Variants in PLPPR3 observed in about 807,000 individuals in gnomAD.
PLPPR3 encodes the protein phospholipid phosphatase-related protein type 3.
Under a neutral mutation model 27.3 loss-of-function variants are expected in PLPPR3, and 14 were observed. The ratio of observed to expected loss-of-function variants is 0.51; its 90% CI spans 0.34 to 0.80. The LOEUF (loss-of-function observed/expected upper bound fraction) is 0.80, where lower values mean the gene tolerates loss of function less well. Among genes scored for constraint, PLPPR3 ranks in the 30% least tolerant of loss-of-function variants. The pLI, the probability that PLPPR3 is intolerant of heterozygous loss-of-function variation, is 0.01. For synonymous variants in PLPPR3, 671 were observed against 508.0 expected (o/e 1.32, Z -4.32); for missense variants, 1,287 against 1,056.9 (o/e 1.22, Z -3.02).
chr19:818,526 C>G (rs949624971), intron 2 of PLPPR3, among the ~76,000 whole-genome samples: 2 of 151,936 alleles, frequency 1.3e-5, no homozygotes, highest in Non-Finnish European at 2.9e-5. Context: ...CACAGTAAGA[C>G]CCTGTCTCTA....
intron 2 of PLPPR3, among the ~76,000 whole-genome samples, chr19:818,726 G>C (rs985372541): frequency 1.3e-5 from 2 of 151,896 alleles, no homozygotes; most frequent in African/African-American, 4.8e-5. Context: ...GTAGAGACGG[G>C]GTTTCACCGT....
In PLPPR3 at chr19:813,924, G is replaced by C; in HGVS notation, c.832-29C>G. Reference sequence around the variant, plus strand: ...TCGGGGAGAGGGGTCTGGGGGTGAGGCCTGGGGCTCAGAGGGCTCCTCCCC... The same window carrying C: ...TCGGGGAGAGGGGTCTGGGGGTGAGCCCTGGGGCTCAGAGGGCTCCTCCCC... On this transcript the variant is annotated intron_variant, in intron 7 of 7. Transcript: ENST00000520876. This position sits in a 1 kb window ranked among gnomAD's most constrained non-coding sequence, Gnocchi z 4.1. 7.1e-7 allele frequency: 1 copy of C among 1,417,382 alleles called. No individual in the cohort carries two copies. Among genetic ancestry groups the C allele is most frequent in the Non-Finnish European group, 9.1e-7 (1 of 1,093,354 alleles). 87.8% of individuals were successfully genotyped at this position (1,417,382 alleles called of 1,614,324 possible). A position where few individuals can be genotyped will look rare whatever the true frequency, so the allele number is the denominator to read the frequency against.
In PLPPR3 at chr19:813,039, C is replaced by T. The variant is rs367889038; in HGVS notation, c.1688G>A (p.Ser563Asn). 3.3e-6 allele frequency: 5 copies of T among 1,514,834 alleles called. No homozygotes were observed. The highest frequency in any genetic ancestry group is 1.2e-5 in the South Asian group (1 of 82,978). The allele number at this position is 1,514,834 out of a possible 1,614,324, so 93.8% of individuals were successfully genotyped here. ...CGACCGGTACTGCGAGGAGTCGGAG[C>T]TGGCGCTGGACGACGACGCCGTCTC... ...AAETASSSSA[S>N]SDSSQYRSPS... Residue 563 changes from serine (S) to asparagine (N), a missense_variant, in exon 8 of 8, where the codon AGC becomes AAC. Coordinates refer to ENST00000520876, the MANE Select transcript of PLPPR3 (RefSeq NM_001270366.2). The surrounding 1 kb of genome is among the most constrained non-coding windows in gnomAD (Gnocchi z 4.1).
At position 813,954 on chromosome 19, in the gene PLPPR3, A is replaced by T. The variant is rs2035001774; in HGVS notation, c.832-59T>A. On this transcript the variant is annotated intron_variant, in intron 7 of 7. Coordinates refer to ENST00000520876, the MANE Select transcript of PLPPR3 (RefSeq NM_001270366.2). This position sits in a 1 kb window ranked among gnomAD's most constrained non-coding sequence, Gnocchi z 4.1. ...GGGCTCAGAGGGCTCCTCCCCTGTG[A>T]TCGTTGGACTTGCCGCGGGGGGCTC... 3 of 1,404,732 alleles carry T rather than the reference A, an allele frequency of 2.1e-6. No individual in the cohort carries two copies. Among genetic ancestry groups the T allele is most frequent in the Non-Finnish European group, 2.8e-6 (3 of 1,086,990 alleles). The allele number at this position is 1,404,732 out of a possible 1,614,324, so 87.0% of individuals were successfully genotyped here.
At position 815,738 on chromosome 19, in the gene PLPPR3, G is replaced by A. The variant is rs374554734; in HGVS notation, c.189C>T (p.Tyr63=). ...GGATGAGCTCCTCGTTGGTCTCCAC[G>A]TAGGGCATGGAGAGAGTGCGGTCAT... is the stretch of plus-strand genomic sequence containing the variant. ...QCYDRTLSMP[Y]VETNEELIPL... is the part of the protein sequence containing the mutation. Residue 63 remains tyrosine, a synonymous_variant, in exon 3 of 8, where the codon TAC becomes TAT. Transcript: ENST00000520876. 121 of 1,612,088 alleles carry A rather than the reference G, an allele frequency of 7.5e-5. No individual in the cohort carries two copies. The highest frequency in any genetic ancestry group is 1.2e-4 in the African/African-American group (9 of 74,894).
At position 820,595 on chromosome 19, in the gene PLPPR3, C is replaced by T. The variant is rs79028216; in HGVS notation, c.75+890G>A. 3.3e-4 allele frequency among the ~76,000 whole-genome samples: 50 copies of T among 152,238 alleles called. 1 individual carries two copies. In the East Asian group the frequency reaches 9.1e-3, roughly 28 times the overall value. On this transcript the variant is annotated intron_variant, in intron 2 of 7. Coordinates refer to ENST00000520876, the MANE Select transcript of PLPPR3 (RefSeq NM_001270366.2). ...AGTGCAGTGGCATGATCTCTGCTCA[C>T]TGCAACCTCCACCTCCTGGGTTCAA...
At position 813,135 on chromosome 19, in the gene PLPPR3, G is replaced by A; in HGVS notation, c.1592C>T (p.Ala531Val). ...GACCTGCAGCAGCCGCGGAGGGTTGGCCACTGCCGCCCCGCTCTTCTCGGC... is the reference window on the plus strand; with the variant it reads ...GACCTGCAGCAGCCGCGGAGGGTTGACCACTGCCGCCCCGCTCTTCTCGGC... The part of the protein sequence containing the change: ...MMAEKSGAAV[A>V]NPPRLLQVIA... Residue 531 changes from alanine (A) to valine (V), a missense_variant, in exon 8 of 8, where the codon GCC becomes GTC. By Grantham distance (64) the Ala-to-Val change is moderately conservative. Transcript: ENST00000520876. The surrounding 1 kb of genome is among the most constrained non-coding windows in gnomAD (Gnocchi z 4.1). 6.6e-7 allele frequency: 1 copy of A among 1,512,264 alleles called. No individual in the cohort carries two copies. The highest frequency in any genetic ancestry group is 8.8e-7 in the Non-Finnish European group (1 of 1,141,326). 93.7% of individuals were successfully genotyped at this position (1,512,264 alleles called of 1,614,324 possible). A position where few individuals can be genotyped will look rare whatever the true frequency, so the allele number is the denominator to read the frequency against.
chr19:813,288 G>A lies in PLPPR3; in HGVS notation c.1439C>T (p.Pro480Leu). ...PTVQARPGLG[P>L]RVILPPRAGP... ...CGCGCGCGGTGGGAGGATGACCCGA[G>A]GCCCCAGCCCCGGCCGCGCCTGCAC... is the stretch of plus-strand genomic sequence containing the variant. The change falls in exon 8 of 8, where the codon CCT (proline) becomes CTT (leucine). Residue 480 changes from proline to leucine, a missense_variant. Pro to Leu is a moderately conservative substitution (Grantham distance 98). Coordinates refer to ENST00000520876, the MANE Select transcript of PLPPR3 (RefSeq NM_001270366.2). The surrounding 1 kb of genome is among the most constrained non-coding windows in gnomAD (Gnocchi z 4.1). 6.8e-7 allele frequency: 1 copy of A among 1,472,894 alleles called. No homozygotes were observed. The highest frequency in any genetic ancestry group is 1.5e-5 in the African/African-American group (1 of 67,236). The allele number at this position is 1,472,894 out of a possible 1,614,324, so 91.2% of individuals were successfully genotyped here. A position where few individuals can be genotyped will look rare whatever the true frequency, so the allele number is the denominator to read the frequency against.
chr19:813,302 C>T lies in PLPPR3; in HGVS notation c.1425G>A (p.Arg475=). ...GGATGACCCGAGGCCCCAGCCCCGG[C>T]CGCGCCTGCACGGTGGGGTAGAGCG... ...PPSLYPTVQA[R]PGLGPRVILP... is the part of the protein sequence containing the mutation. Residue 475 remains arginine, a synonymous_variant, in exon 8 of 8, where the codon CGG becomes CGA. Coordinates refer to ENST00000520876, the MANE Select transcript of PLPPR3 (RefSeq NM_001270366.2). The surrounding 1 kb of genome is among the most constrained non-coding windows in gnomAD (Gnocchi z 4.1). 6.9e-7 allele frequency: 1 copy of T among 1,459,580 alleles called. No homozygotes were observed. 90.4% of individuals were successfully genotyped at this position (1,459,580 alleles called of 1,614,324 possible).
Position 814,620 on chromosome 19 carries a change from G to C in PLPPR3, c.658-13C>G. The C allele has an allele frequency of 6.2e-7, 1 of 1,611,600 alleles. No homozygotes were observed. On this transcript the variant is annotated splice_polypyrimidine_tract_variant and intron_variant, in intron 6 of 7. Coordinates refer to ENST00000520876, the MANE Select transcript of PLPPR3 (RefSeq NM_001270366.2). ...AGTTGAAGTACATCTGGGGCATGGG[G>C]GTTGGGGTCAGGGAGGGCTCCCCAC...
intron 2 of PLPPR3, among the ~76,000 whole-genome samples, chr19:818,426 C>T (rs546412479): frequency 7.4e-4 from 113 of 151,844 alleles, no homozygotes; most frequent in African/African-American, 2.6e-3. Context: ...TAAGGCCGAC[C>T]GCAGTGGCTC....
rs759863594 is a variant in PLPPR3 at position 813,845 on chromosome 19, C to A, written c.882G>T (p.Ala294=). The part of the protein sequence containing the change: ...NFQAPPAEKP[A]APAPAKDALR... ...GCGCGTCCTTGGCGGGGGCCGGGGC[C>A]GCGGGCTTCTCTGCAGGTGGGGCCT... is the stretch of plus-strand genomic sequence containing the variant. Residue 294 remains alanine, a synonymous_variant, in exon 8 of 8, where the codon GCG becomes GCT. Transcript: ENST00000520876. This position sits in a 1 kb window ranked among gnomAD's most constrained non-coding sequence, Gnocchi z 4.1. 6.8e-7 allele frequency: 1 copy of A among 1,468,904 alleles called. No individual in the cohort carries two copies. Among genetic ancestry groups the A allele is most frequent in the Non-Finnish European group, 8.9e-7 (1 of 1,119,184 alleles). 91.0% of individuals were successfully genotyped at this position (1,468,904 alleles called of 1,614,324 possible).
At chr19:816,036 T>A (rs960457638) in intron 2 of PLPPR3, among the ~76,000 whole-genome samples, 185 bp from the exon 3 acceptor site, 1 of 152,006 alleles carries the variant, frequency 6.6e-6, no homozygotes, top group African/African-American at 2.4e-5. Context: ...AACTCGACCA[T>A]CTACACATCA....
upstream of PLPPR3, among the ~76,000 whole-genome samples, chr19:823,120 AAAACAAAC>A (rs34107870): frequency 1.5e-4 from 23 of 148,442 alleles, no homozygotes; most frequent in African/African-American, 3.0e-4. Flanking sequence ...ACTCTGTCTC[AAAACAAAC>A]AAACAAACAA....
upstream of PLPPR3, among the ~76,000 whole-genome samples, chr19:822,732 TG>T (rs1160546529): frequency 6.6e-6 from 1 of 152,322 alleles, no homozygotes; most frequent in East Asian, 1.9e-4. Flanking sequence ...GGGTAGGGGC[TG>T]GTTGACCCCC....
intron 2 of PLPPR3, among the ~76,000 whole-genome samples, chr19:819,426 G>A (rs1211418064): frequency 2.0e-5 from 3 of 151,458 alleles, no homozygotes; most frequent in Non-Finnish European, 4.4e-5. Context: ...GATTACAGGC[G>A]CCCACCACTA....
In PLPPR3 at chr19:813,315, G is replaced by T; in HGVS notation, c.1412C>A (p.Thr471Asn). The T allele has an allele frequency of 6.8e-7, 1 of 1,467,128 alleles. No homozygotes were observed. Among genetic ancestry groups the T allele is most frequent in the East Asian group, 2.6e-5 (1 of 38,138 alleles). 90.9% of individuals were successfully genotyped at this position (1,467,128 alleles called of 1,614,324 possible). A position where few individuals can be genotyped will look rare whatever the true frequency, so the allele number is the denominator to read the frequency against. ...CCCCAGCCCCGGCCGCGCCTGCACGGTGGGGTAGAGCGAGGGCGGGGCCGG... is the reference window on the plus strand; with the variant it reads ...CCCCAGCCCCGGCCGCGCCTGCACGTTGGGGTAGAGCGAGGGCGGGGCCGG... ...EGPAPPSLYP[T>N]VQARPGLGPR... Residue 471 changes from threonine (T) to asparagine (N), a missense_variant, in exon 8 of 8, where the codon ACC becomes AAC. Coordinates refer to ENST00000520876, the MANE Select transcript of PLPPR3 (RefSeq NM_001270366.2). The surrounding 1 kb of genome is among the most constrained non-coding windows in gnomAD (Gnocchi z 4.1).
chr19:819,375 G>T (rs2035112417), intron 2 of PLPPR3, among the ~76,000 whole-genome samples: 1 of 147,324 alleles, frequency 6.8e-6, no homozygotes, highest in Non-Finnish European at 1.5e-5. Context: ...CCACCTCCTG[G>T]GTTCAAGCGA....
rs887542120 is a variant in PLPPR3 at position 812,516 on chromosome 19, G to A, written c.*54C>T. On this transcript the variant is annotated 3_prime_UTR_variant, in exon 8 of 8. Transcript: ENST00000520876. ...GTTTCTGCCGCTTTATTGAGCATCC[G>A]CGCGGCCGCCCGCGCCCTCGGCCCG... 8.1e-6 allele frequency: 8 copies of A among 988,408 alleles called. No homozygotes were observed. Among genetic ancestry groups the A allele is most frequent in the Non-Finnish European group, 9.6e-6 (8 of 831,414 alleles). The allele number at this position is 988,408 out of a possible 1,614,324, so 61.2% of individuals were successfully genotyped here.
Sources: gnomAD v4.1 joint callset for allele counts (sites outside exome capture counted in the v4.1 genomes callset) on GRCh38, gnomAD v4.1.1 for gene constraint, Gnocchi (gnomAD v3.1) non-coding constraint, MANE v1.5 for transcripts, NCBI Gene and HGNC (gene_info 2026-07-23, HGNC 2026-07-21) for gene names.